The following DECR1 variants were observed in gnomAD, a reference collection of about 807,000 sequenced individuals.
DECR1 encodes the protein 2,4-dienoyl-CoA reductase [(3E)-enoyl-CoA-producing], mitochondrial.
In DECR1, 44 loss-of-function variants were observed where a neutral mutation model predicts 38.8. That is an observed-to-expected ratio of 1.13 (90% confidence interval 0.89 to 1.46). DECR1 has a LOEUF of 1.46. Ranked by LOEUF, DECR1 falls within the 40% of genes most tolerant of loss-of-function variation. DECR1 has a pLI of 0.00. For missense variants in DECR1, 428 were observed against 405.5 expected (o/e 1.06, Z -0.48); for synonymous variants, 148 against 135.2 (o/e 1.09, Z -0.66).
intron 5 of DECR1, among the ~76,000 whole-genome samples, chr8:90,028,025 A>T (rs962538591): frequency 6.6e-6 from 1 of 151,998 alleles, no homozygotes; most frequent in Non-Finnish European, 1.5e-5. Context: ...GTTACTTTTC[A>T]TTGAGCTTCT....
At chr8:90,005,656 C>T (rs1003713523) in intron 1 of DECR1, 9 of 357,792 alleles carry the variant, frequency 2.5e-5, no homozygotes, top group Non-Finnish European at 4.9e-5. Flanking sequence ...TCAAAATTTA[C>T]CAGTCATATC....
At chr8:90,002,685 C>G (rs1812646148) in intron 1 of DECR1, among the ~76,000 whole-genome samples, 1 of 152,128 alleles carries the variant, frequency 6.6e-6, no homozygotes, top group South Asian at 2.1e-4. Flanking sequence ...GCAGTAGTTC[C>G]AAATAGGAAT....
chr8:90,004,472 C>G (rs1310619562), intron 1 of DECR1, among the ~76,000 whole-genome samples: 1 of 152,178 alleles, frequency 6.6e-6, no homozygotes, highest in Non-Finnish European at 1.5e-5. Flanking sequence ...AACTGGCCAC[C>G]TAGAATTAAC....
At chr8:90,037,977 T>C (rs1406533201) in intron 6 of DECR1, among the ~76,000 whole-genome samples, 2 of 152,214 alleles carry the variant, frequency 1.3e-5, no homozygotes, top group South Asian at 2.1e-4. Context: ...GATCATTTCC[T>C]GTCACTCTTT....
At chr8:90,041,773 C>T (rs1250732192) in intron 6 of DECR1, among the ~76,000 whole-genome samples, 2 of 152,086 alleles carry the variant, frequency 1.3e-5, no homozygotes, top group Non-Finnish European at 2.9e-5. Context: ...ACATCACACA[C>T]TTCAGTACAT....
chr8:90,006,115 T>C lies in DECR1; in HGVS notation c.69+4554T>C, dbSNP rs1812733131. 2.2e-5 allele frequency: 15 copies of C among 674,308 alleles called. 1 individual carries two copies. The highest frequency in any genetic ancestry group is 1.4e-4 in the South Asian group (9 of 63,192). The allele number at this position is 674,308 out of a possible 1,614,324, so 41.8% of individuals were successfully genotyped here. The stretch of plus-strand genomic sequence containing the variant: ...CTCCCATTAGACCCCACCTCCAACA[T>C]TGGGGATCACATTTCAACATGAGTT... On this transcript the variant is annotated intron_variant, in intron 1 of 9. Coordinates refer to ENST00000220764, the MANE Select transcript of DECR1 (RefSeq NM_001359.2).
At chr8:90,012,449 G>C (rs191175167) in intron 1 of DECR1, among the ~76,000 whole-genome samples, 1 of 152,028 alleles carries the variant, frequency 6.6e-6, no homozygotes, top group Non-Finnish European at 1.5e-5. Flanking sequence ...TACCGTGCCC[G>C]GCCTGATGAT....
Position 90,005,003 on chromosome 8 carries a change from A to C in DECR1, c.69+3442A>C, listed in dbSNP as rs571914929. On this transcript the variant is annotated intron_variant, in intron 1 of 9. Transcript: ENST00000220764. ...GACCCAAACTGTACATACCTAGAGG[A>C]GGCAAGGAAAGCTTCATGGAGGAGG... Among the ~76,000 whole-genome samples the C allele has an allele frequency of 1.4e-4, 21 of 152,310 alleles. No homozygotes were observed. In the South Asian group the frequency reaches 3.3e-3, roughly 24 times the overall value.
At chr8:90,041,600 A>G (rs1180498381) in intron 6 of DECR1, among the ~76,000 whole-genome samples, 1 of 152,204 alleles carries the variant, frequency 6.6e-6, no homozygotes, top group Non-Finnish European at 1.5e-5. Context: ...AAAGACTTAA[A>G]GCATTTTTCG....
intron 1 of DECR1, among the ~76,000 whole-genome samples, chr8:90,009,286 A>G (rs905558914): frequency 3.9e-5 from 6 of 152,032 alleles, no homozygotes; most frequent in African/African-American, 1.4e-4. Context: ...AAACCCTGTG[A>G]TTCATTCTTC....
intron 7 of DECR1, 141 bp from the exon 8 acceptor site, chr8:90,044,705 AATT>A: frequency 1.4e-6 from 1 of 724,674 alleles, no homozygotes. Context: ...TTTTAAGAAT[AATT>A]TGGTGAAATT....
chr8:90,032,708 A>T (rs1034782385), intron 5 of DECR1, among the ~76,000 whole-genome samples: 3 of 152,114 alleles, frequency 2.0e-5, no homozygotes, highest in African/African-American at 7.2e-5. Flanking sequence ...GCTTCCTTAG[A>T]TATGGCACCC....
intron 8 of DECR1, among the ~76,000 whole-genome samples, chr8:90,048,759 T>G (rs191443914): frequency 6.6e-6 from 1 of 152,318 alleles, no homozygotes; most frequent in Non-Finnish European, 1.5e-5. Flanking sequence ...TAGACCAATA[T>G]TCCTGATGAA....
intron 8 of DECR1, among the ~76,000 whole-genome samples, chr8:90,051,291 G>A (rs956417531): frequency 1.3e-5 from 2 of 151,960 alleles, no homozygotes; most frequent in African/African-American, 4.8e-5. Flanking sequence ...ATGGTGGCAG[G>A]CAATAGAGAT....
chr8:90,045,777 C>T (rs1303253263), intron 8 of DECR1, among the ~76,000 whole-genome samples: 2 of 152,200 alleles, frequency 1.3e-5, no homozygotes, highest in South Asian at 2.1e-4. Context: ...CTGGGAGACA[C>T]CTCCCAGTAG....
At chr8:90,032,373 T>C (rs1813519410) in intron 5 of DECR1, among the ~76,000 whole-genome samples, 1 of 152,118 alleles carries the variant, frequency 6.6e-6, no homozygotes, top group African/African-American at 2.4e-5. Flanking sequence ...CTACCACATC[T>C]CTCTTGCCTG....
At chr8:90,048,133 G>A (rs886946279) in intron 8 of DECR1, among the ~76,000 whole-genome samples, 11 of 152,096 alleles carry the variant, frequency 7.2e-5, no homozygotes, top group African/African-American at 2.7e-4. Flanking sequence ...AACTAGAGAA[G>A]CAAGAGCAAA....
rs1813147178 is a variant in DECR1 at position 90,021,063 on chromosome 8, T to C, written c.565+7T>C. On this transcript the variant is annotated splice_region_variant and intron_variant, in intron 5 of 9. Transcript: ENST00000220764. The stretch of plus-strand genomic sequence containing the variant: ...CTAATTAAAGCACAGAAAGGTATGT[T>C]TATTTGCTTTTCTCATATTTATTTG... 1 of 1,558,448 alleles carries C rather than the reference T, an allele frequency of 6.4e-7. No homozygotes were observed.
intron 5 of DECR1, among the ~76,000 whole-genome samples, chr8:90,031,720 A>C (rs1813499794): frequency 1.3e-5 from 2 of 152,126 alleles, no homozygotes; most frequent in African/African-American, 4.8e-5. Flanking sequence ...GATTGTCAGT[A>C]AGATTAATTG....
Sources: gnomAD v4.1 joint callset for allele counts (sites outside exome capture counted in the v4.1 genomes callset) on GRCh38, gnomAD v4.1.1 for gene constraint, MANE v1.5 for transcripts, NCBI Gene and HGNC (gene_info 2026-07-23, HGNC 2026-07-21) for gene names.